The following AK8 variants were observed in gnomAD, a reference collection of about 807,000 sequenced individuals.
AK8 encodes ATP-AMP transphosphorylase 8.
Under a neutral mutation model 54.6 loss-of-function variants are expected in AK8, and 44 were observed. The observed-to-expected ratio is 0.81, with a 90% CI of 0.63 to 1.04. The LOEUF (loss-of-function observed/expected upper bound fraction) is 1.04, where lower values mean the gene tolerates loss of function less well. Ranked by LOEUF, AK8 falls within the 50% of genes least tolerant of loss-of-function variation. The pLI, the probability that AK8 is intolerant of heterozygous loss-of-function variation, is 0.00. For synonymous variants in AK8, 239 were observed against 245.6 expected (o/e 0.97, Z 0.25); for missense variants, 555 against 613.6 (o/e 0.90, Z 1.01).
intron 10 of AK8, among the ~76,000 whole-genome samples, chr9:132,801,900 T>C (rs760876563): frequency 5.3e-5 from 8 of 152,094 alleles, no homozygotes; most frequent in Non-Finnish European, 1.2e-4. Flanking sequence ...AGCTCACAGG[T>C]AGTGGAGCTT....
chr9:132,814,462 C>T (rs953689723), intron 10 of AK8, among the ~76,000 whole-genome samples, 176 bp downstream of exon 10: 8 of 152,186 alleles, frequency 5.3e-5, no homozygotes, highest in African/African-American at 1.2e-4. Context: ...CGGGCTCAGA[C>T]ACCAAGAGGC....
At chr9:132,763,523 C>T (rs969470678) in intron 11 of AK8, among the ~76,000 whole-genome samples, 2 of 152,212 alleles carry the variant, frequency 1.3e-5, no homozygotes, top group South Asian at 2.1e-4. Flanking sequence ...TAACTAGATG[C>T]GTAAACAGAC....
At chr9:132,738,590 C>A (rs887665225) in intron 11 of AK8, among the ~76,000 whole-genome samples, 7 of 152,020 alleles carry the variant, frequency 4.6e-5, no homozygotes, top group Non-Finnish European at 1.0e-4. Context: ...AAACTATTGT[C>A]CATTTCTAGC....
chr9:132,734,742 TAA>T (rs1385999070), intron 11 of AK8, among the ~76,000 whole-genome samples: 4 of 151,798 alleles, frequency 2.6e-5, no homozygotes, highest in Non-Finnish European at 4.4e-5. Flanking sequence ...TCTAAATACA[TAA>T]ATAGGTTGGG....
intron 5 of AK8, among the ~76,000 whole-genome samples, chr9:132,836,110 C>T (rs1309679847): frequency 6.6e-6 from 1 of 151,692 alleles, no homozygotes; most frequent in Non-Finnish European, 1.5e-5. Flanking sequence ...GCAACAAGAG[C>T]AAAACTCCAT....
intron 10 of AK8, among the ~76,000 whole-genome samples, chr9:132,805,252 C>T (rs1330046609): frequency 1.3e-5 from 2 of 152,162 alleles, no homozygotes; most frequent in African/African-American, 4.8e-5. Flanking sequence ...CTCCGGCTCT[C>T]CTTGGACTTC....
chr9:132,813,277 G>A (rs1841163193), intron 10 of AK8, among the ~76,000 whole-genome samples: 1 of 151,974 alleles, frequency 6.6e-6, no homozygotes, highest in African/African-American at 2.4e-5. Flanking sequence ...ACTCCACCCC[G>A]CGGACTAGGA....
upstream of AK8, chr9:132,878,479 G>T: frequency 5.8e-6 from 7 of 1,214,100 alleles, no homozygotes; most frequent in Non-Finnish European, 6.1e-6. This position sits in a 1 kb window ranked among gnomAD's most constrained non-coding sequence, Gnocchi z 4.7. Flanking sequence ...TCCCATTTGC[G>T]CATCTTAGCG....
At chr9:132,848,379 C>T (rs1842841168) in intron 5 of AK8, among the ~76,000 whole-genome samples, 1 of 152,078 alleles carries the variant, frequency 6.6e-6, no homozygotes, top group Admixed American at 6.5e-5. Context: ...AGGTGGGAAA[C>T]CTTAAAAATA....
chr9:132,834,869 C>CA (rs1157083580), intron 5 of AK8, among the ~76,000 whole-genome samples: 3 of 140,778 alleles, frequency 2.1e-5, no homozygotes, highest in African/African-American at 7.8e-5. Context: ...CAAGAGGTGC[C>CA]TTTTTTTTTT....
In AK8 at chr9:132,845,752, G is replaced by A. The variant is rs539378997; in HGVS notation, c.402+9105C>T. On this transcript the variant is annotated intron_variant, in intron 5 of 12. Coordinates refer to ENST00000298545, the MANE Select transcript of AK8 (RefSeq NM_152572.3). Reference sequence around the variant, plus strand: ...GCAGAGATCGCGCCACTGCACTCCAGCCTGGGCAAGAACGAAACTCCATCT... The same window carrying A: ...GCAGAGATCGCGCCACTGCACTCCAACCTGGGCAAGAACGAAACTCCATCT... 4.2e-4 allele frequency among the ~76,000 whole-genome samples: 61 copies of A among 144,982 alleles called. No individual in the cohort carries two copies. In the Middle Eastern group the frequency reaches 0.011, roughly 27 times the overall value.
intron 11 of AK8, among the ~76,000 whole-genome samples, chr9:132,734,988 G>A (rs928821038): frequency 1.3e-5 from 2 of 152,172 alleles, no homozygotes; most frequent in Non-Finnish European, 2.9e-5. Flanking sequence ...TGGAGATCGC[G>A]CCACTGCACT....
Position 132,826,132 on chromosome 9 carries a change from G to A in AK8, c.757+722C>T, listed in dbSNP as rs1019481087. The stretch of plus-strand genomic sequence containing the variant: ...TGTGGCTGTGGACACGTGATTTGGA[G>A]AATCCCATTTAATCCTCACCTACGC... On this transcript the variant is annotated intron_variant, in intron 8 of 12. Coordinates refer to ENST00000298545, the MANE Select transcript of AK8 (RefSeq NM_152572.3). This position sits in a 1 kb window ranked among gnomAD's most constrained non-coding sequence, Gnocchi z 4.5. 1.3e-5 allele frequency among the ~76,000 whole-genome samples: 2 copies of A among 152,186 alleles called. No homozygotes were observed. The highest frequency in any genetic ancestry group is 1.5e-5 in the Non-Finnish European group (1 of 68,038).
intron 2 of AK8, among the ~76,000 whole-genome samples, chr9:132,873,129 G>C (rs1443915373): frequency 6.6e-6 from 1 of 152,166 alleles, no homozygotes; most frequent in Admixed American, 6.5e-5. Context: ...CGTATTTTTA[G>C]TAGAGATGGG....
chr9:132,825,402 T>C (rs1285284026), intron 8 of AK8, among the ~76,000 whole-genome samples: 2 of 152,230 alleles, frequency 1.3e-5, no homozygotes, highest in Non-Finnish European at 2.9e-5. Context: ...TATGAACTTT[T>C]AAATTTAATT....
chr9:132,744,413 G>A (rs1361361260), intron 11 of AK8, among the ~76,000 whole-genome samples: 2 of 123,326 alleles, frequency 1.6e-5, no homozygotes, highest in Non-Finnish European at 3.4e-5. Flanking sequence ...GAATAGACAC[G>A]TGCCAAAAAA....
intron 11 of AK8, among the ~76,000 whole-genome samples, chr9:132,739,926 G>C (rs1837290499): frequency 6.6e-6 from 1 of 152,224 alleles, no homozygotes; most frequent in Admixed American, 6.5e-5. Context: ...ACCTTGTGGG[G>C]CAAAGTACGC....
intron 11 of AK8, among the ~76,000 whole-genome samples, chr9:132,774,298 T>A (rs1839112384): frequency 6.6e-6 from 1 of 152,114 alleles, no homozygotes; most frequent in Non-Finnish European, 1.5e-5. Context: ...TGCAGAAATC[T>A]CAAAGCCAAC....
rs76285554 is a variant in AK8 at position 132,787,432 on chromosome 9, C to T, written c.1121+5202G>A. On this transcript the variant is annotated intron_variant, in intron 11 of 12. Transcript: ENST00000298545. Reference sequence around the variant, plus strand: ...GGCTCAGGATCAGATTGGCATTGGACTTCTTAGCAACACTGGAAATTCAAA... The same window carrying T: ...GGCTCAGGATCAGATTGGCATTGGATTTCTTAGCAACACTGGAAATTCAAA... Among the ~76,000 whole-genome samples the T allele has an allele frequency of 2.2e-3, 329 of 152,268 alleles. 7 individuals are homozygous for T. The East Asian group carries it at 0.05, about 23-fold the overall frequency.
Sources: allele counts gnomAD v4.1 joint callset (sites outside exome capture counted in the v4.1 genomes callset), GRCh38; gene constraint gnomAD v4.1.1; non-coding constraint Gnocchi (gnomAD v3.1); transcripts MANE v1.5; gene names NCBI Gene and HGNC (gene_info 2026-07-23, HGNC 2026-07-21).